EEF1D: variants seen among roughly 807,000 people sequenced by gnomAD.
EEF1D encodes the protein eukaryotic translation elongation factor 1 delta, also known as elongation factor 1-delta.
EEF1D carries 47 observed loss-of-function variants against 63.9 expected under a neutral mutation model. The ratio of observed to expected loss-of-function variants is 0.74; its 90% confidence interval spans 0.58 to 0.94. EEF1D has a LOEUF of 0.94. Among genes scored for constraint, EEF1D ranks in the 40% least tolerant of loss-of-function variants. The pLI, the probability that EEF1D is intolerant of heterozygous loss-of-function variation, is 0.00. For synonymous variants in EEF1D, 412 were observed against 386.1 expected (o/e 1.07, Z -0.79); for missense variants, 907 against 899.0 (o/e 1.01, Z -0.11).
chr8:143,584,120 G>GT (rs910578645), intron 5 of EEF1D: 1 of 152,230 alleles, frequency 6.6e-6, no homozygotes, highest in African/African-American at 2.4e-5. Flanking sequence ...GTGTGGCAAC[G>GT]TTACAGCAAC....
Position 143,586,768 on chromosome 8 carries a change from G to C in EEF1D, c.1176C>G (p.Tyr392Ter). 6.2e-7 allele frequency: 1 copy of C among 1,614,138 alleles called. No individual in the cohort carries two copies. Among genetic ancestry groups the C allele is most frequent in the Non-Finnish European group, 8.5e-7 (1 of 1,180,028 alleles). Residue 392 changes from tyrosine to a stop codon, truncating the protein, a stop_gained, in exon 4 of 10, where the codon TAC (tyrosine) becomes TAG (stop). Transcript: ENST00000618139. LOFTEE classifies it high-confidence loss of function. ...CTGCCACAGGCCCGTTCATCTGCTC[G>C]TAGAATCTCCTTTCTGCGTCGTCAT... ...FKYDDAERRF[Y>*]EQMNGPVAGA...
intron 3 of EEF1D, chr8:143,587,068 G>A (rs956435587): frequency 1.3e-5 from 7 of 527,968 alleles, no homozygotes; most frequent in African/African-American, 1.2e-4. Flanking sequence ...GAGAACCTCT[G>A]AGGGTCCCCA....
Position 143,589,567 on chromosome 8 carries a change from T to C in EEF1D, c.515A>G (p.Gln172Arg), listed in dbSNP as rs1827494944. The C allele has an allele frequency of 2.0e-6, 3 of 1,515,362 alleles. No homozygotes were observed. Among genetic ancestry groups the C allele is most frequent in the Non-Finnish European group, 2.7e-6 (3 of 1,131,850 alleles). The allele number at this position is 1,515,362 out of a possible 1,614,324, so 93.9% of individuals were successfully genotyped here. ...CCACTCCACGAAGGCCCGCTCAGCC[T>C]GGTCGAAGGAGGACTTGTTGACCCA... Reference protein sequence around the residue: ...GIWVNKSSFDQAERAFVEWSQ... With the variant: ...GIWVNKSSFDRAERAFVEWSQ... The change falls in exon 3 of 10, where the codon CAG becomes CGG. Residue 172 changes from glutamine (Q) to arginine (R), a missense_variant. Physicochemically the swap from Gln to Arg is conservative, Grantham distance 43. Coordinates refer to ENST00000618139, the MANE Select transcript of EEF1D (RefSeq NM_001130053.5).
rs1434455433 is a variant in EEF1D, at chr8:143,586,785, C to T, written c.1159G>A (p.Ala387Thr). 4 of 1,614,184 alleles carry T rather than the reference C, an allele frequency of 2.5e-6. No individual in the cohort carries two copies. The highest frequency in any genetic ancestry group is 1.7e-5 in the Admixed American group (1 of 60,024). The change falls in exon 4 of 10, where the codon GCA becomes ACA. Residue 387 changes from alanine (A) to threonine (T), a missense_variant. By Grantham distance (58) the Ala-to-Thr change is moderately conservative (BLOSUM62 0). Coordinates refer to ENST00000618139, the MANE Select transcript of EEF1D (RefSeq NM_001130053.5). ...ATCTGCTCGTAGAATCTCCTTTCTG[C>T]GTCGTCATATTTGAACTTGTCGAAC... ...IWFDKFKYDD[A>T]ERRFYEQMNG...
intron 2 of EEF1D, chr8:143,590,701 G>T: frequency 5.5e-6 from 2 of 362,814 alleles, no homozygotes; most frequent in Non-Finnish European, 7.7e-6. Context: ...TCTGGAGACT[G>T]AGACCATCCT....
rs567061751 is a variant in EEF1D, at chr8:143,586,276, G to A, written c.1230C>T (p.Ser410=). Residue 410 remains serine, a synonymous_variant, in exon 5 of 10, where the codon AGC becomes AGT. Coordinates refer to ENST00000618139, the MANE Select transcript of EEF1D (RefSeq NM_001130053.5). ...CTCTCGCAATGTCACGGAGGATCAC[G>A]CTGGCGCCGTTCTCCTGCAGACAGT... ...AGASRQENGA[S]VILRDIARAR... 7.7e-5 allele frequency: 124 copies of A among 1,606,078 alleles called. 1 individual carries two copies. In the South Asian group the frequency reaches 1.3e-3, roughly 16 times the overall value.
intron 2 of EEF1D, among the ~76,000 whole-genome samples, chr8:143,591,737 C>G (rs1827999674): frequency 6.6e-6 from 1 of 152,242 alleles, no homozygotes; most frequent in Non-Finnish European, 1.5e-5. Context: ...GGGAGGCAGC[C>G]TTCGGTCAAG....
chr8:143,589,793 C>G lies in EEF1D; in HGVS notation c.289G>C (p.Gly97Arg). The G allele has an allele frequency of 6.3e-7, 1 of 1,581,442 alleles. No homozygotes were observed. The highest frequency in any genetic ancestry group is 8.6e-7 in the Non-Finnish European group (1 of 1,164,618). Residue 97 changes from glycine (G) to arginine (R), a missense_variant, in exon 3 of 10, where the codon GGC becomes CGC. Gly to Arg is a moderately radical substitution (Grantham distance 125). Transcript: ENST00000618139. ...KRKRSPKSGL[G>R]PADLALLGLS... ...CCCAGGAGGGCCAGGTCCGCGGGGC[C>G]GAGCCCGCTCTTGGGGGAGCGCTTC...
intron 5 of EEF1D, chr8:143,584,176 T>G (rs1440973512): frequency 6.6e-6 from 1 of 152,254 alleles, no homozygotes; most frequent in African/African-American, 2.4e-5. Flanking sequence ...AGTGGGGTGC[T>G]GCTGGAATGC....
intron 9 of EEF1D, 78 bp from the exon 10 acceptor site, chr8:143,579,908 G>A (rs1824986353): frequency 6.5e-7 from 1 of 1,544,500 alleles, no homozygotes; most frequent in Admixed American, 1.9e-5. Flanking sequence ...TCTGAGGTGG[G>A]GTTCACTCTG....
intron 5 of EEF1D, chr8:143,585,958 C>T (rs924707202): frequency 1.7e-5 from 8 of 460,768 alleles, no homozygotes; most frequent in Non-Finnish European, 2.7e-5. Context: ...CACCACTCAG[C>T]TCCCAGCCGG....
intron 1 of EEF1D, chr8:143,593,815 C>A (rs927161839): frequency 1.2e-5 from 12 of 977,762 alleles, no homozygotes; most frequent in African/African-American, 1.8e-5. Context: ...CACAGCCCCC[C>A]ACACGTCCGA....
In EEF1D at chr8:143,580,517, C is replaced by G. The variant is rs766428831; in HGVS notation, c.1699G>C (p.Asp567His). The G allele has an allele frequency of 1.2e-6, 2 of 1,612,260 alleles. No individual in the cohort carries two copies. The highest frequency in any genetic ancestry group is 2.2e-5 in the South Asian group (2 of 91,046). The change falls in exon 8 of 10, where the codon GAT becomes CAT. Residue 567 changes from aspartate to histidine, a missense_variant. Transcript: ENST00000618139. The stretch of plus-strand genomic sequence containing the variant: ...CCCCGCCCACTCACAGGCTTGACAT[C>G]CAGCAGGATGGAGGACTTGGCCACC... ...ALVAKSSILL[D>H]VKPWDDETDM...
chr8:143,589,571 C>G lies in EEF1D; in HGVS notation c.511G>C (p.Asp171His). Residue 171 changes from aspartate to histidine, a missense_variant, in exon 3 of 10, where the codon GAC becomes CAC. Asp to His is a moderately conservative substitution (Grantham distance 81). Coordinates refer to ENST00000618139, the MANE Select transcript of EEF1D (RefSeq NM_001130053.5). ...WGIWVNKSSF[D>H]QAERAFVEWS... ...TCCACGAAGGCCCGCTCAGCCTGGT[C>G]GAAGGAGGACTTGTTGACCCAGATC... The G allele has an allele frequency of 6.6e-7, 1 of 1,516,294 alleles. No homozygotes were observed. The highest frequency in any genetic ancestry group is 8.8e-7 in the Non-Finnish European group (1 of 1,132,156). 93.9% of individuals were successfully genotyped at this position (1,516,294 alleles called of 1,614,324 possible).
rs965625390 is a variant in EEF1D at position 143,586,255 on chromosome 8, C to T, written c.1251G>A (p.Ala417=). 6.2e-6 allele frequency: 10 copies of T among 1,609,138 alleles called. No individual in the cohort carries two copies. The highest frequency in any genetic ancestry group is 1.7e-5 in the Admixed American group (1 of 59,840). ...NGASVILRDI[A]RARENIQKSL... ...ATTTCTGGATGTTCTCTCTGGCTCT[C>T]GCAATGTCACGGAGGATCACGCTGG... is the stretch of plus-strand genomic sequence containing the variant. The change falls in exon 5 of 10, where the codon GCG becomes GCA. Residue 417 remains alanine (A), a synonymous_variant. Coordinates refer to ENST00000618139, the MANE Select transcript of EEF1D (RefSeq NM_001130053.5).
In EEF1D at chr8:143,581,066, G is replaced by A; in HGVS notation, c.1476C>T (p.Ala492=). 6.2e-7 allele frequency: 1 copy of A among 1,611,804 alleles called. No individual in the cohort carries two copies. Among genetic ancestry groups the A allele is most frequent in the Non-Finnish European group, 8.5e-7 (1 of 1,179,940 alleles). Residue 492 remains alanine, a synonymous_variant, in exon 7 of 10, where the codon GCC becomes GCT. Coordinates refer to ENST00000618139, the MANE Select transcript of EEF1D (RefSeq NM_001130053.5). The part of the protein sequence containing the change: ...EKSSPGHRAT[A]PQTQHVSPMR... ...GGAGAGCATTCACCTGGGTCTGTGG[G>A]GCCGTGGCCCGGTGGCCAGGCGAGC...
intron 1 of EEF1D, among the ~76,000 whole-genome samples, chr8:143,593,388 C>T (rs978672137): frequency 2.6e-5 from 4 of 152,226 alleles, no homozygotes; most frequent in Non-Finnish European, 4.4e-5. Context: ...GCAAGCTCTG[C>T]GAAGGGCAGC....
In EEF1D at chr8:143,580,545, T is replaced by C. The variant is rs769485863; in HGVS notation, c.1671A>G (p.Ala557=). Residue 557 remains alanine (A), a synonymous_variant, in exon 8 of 10, where the codon GCA becomes GCG. Transcript: ENST00000618139. ...GCAGGATGGAGGACTTGGCCACCAGTGCAGGCTTCTTGGCCTTCTTCTCCG... is the reference window on the plus strand; with the variant it reads ...GCAGGATGGAGGACTTGGCCACCAGCGCAGGCTTCTTGGCCTTCTTCTCCG... The part of the protein sequence containing the change: ...QYAEKKAKKP[A]LVAKSSILLD... The C allele has an allele frequency of 1.2e-5, 20 of 1,612,928 alleles. No homozygotes were observed. The South Asian group carries it at 2.2e-4, about 18-fold the overall frequency.
intron 5 of EEF1D, 103 bp downstream of exon 5, chr8:143,586,116 C>G: frequency 9.3e-7 from 1 of 1,077,646 alleles, no homozygotes; most frequent in Non-Finnish European, 1.4e-6. Context: ...GCACCCTGCC[C>G]TGACTCTGCT....
Sources: allele counts gnomAD v4.1 joint callset (sites outside exome capture counted in the v4.1 genomes callset), GRCh38; gene constraint gnomAD v4.1.1; transcripts MANE v1.5; gene names NCBI Gene and HGNC (gene_info 2026-07-23, HGNC 2026-07-21).